The following PPP4R3B variants were observed in gnomAD, a reference collection of about 807,000 sequenced individuals.
PPP4R3B encodes the protein protein phosphatase 4 regulatory subunit 3B.
PPP4R3B carries 52 observed loss-of-function variants against 95.4 expected under a neutral mutation model. That is an observed-to-expected ratio of 0.54 (90% CI 0.44 to 0.69). PPP4R3B has a LOEUF of 0.69. PPP4R3B is among the 30% of genes least tolerant of loss of function. The pLI, the probability that PPP4R3B is intolerant of heterozygous loss-of-function variation, is 0.00. For missense variants in PPP4R3B, 1,003 were observed against 1,005.9 expected, an observed-to-expected ratio of 1.00 and a Z score of 0.04; for synonymous variants, 407 against 343.9, an observed-to-expected ratio of 1.18 and a Z score of -2.03.
chr2:55,578,560 T>G (rs1267660246), intron 9 of PPP4R3B, among the ~76,000 whole-genome samples: 2 of 152,102 alleles, frequency 1.3e-5, no homozygotes, highest in Admixed American at 6.5e-5. Flanking sequence ...TGGGGAATTA[T>G]TCAGTTGATA....
chr2:55,583,696 A>C (rs988546847), intron 7 of PPP4R3B, among the ~76,000 whole-genome samples: 5 of 152,378 alleles, frequency 3.3e-5, no homozygotes, highest in Non-Finnish European at 7.3e-5. Flanking sequence ...ATTTCTCTTT[A>C]AAGTCAGAAT....
intron 13 of PPP4R3B, among the ~76,000 whole-genome samples, chr2:55,565,289 A>G (rs1481480615): frequency 1.4e-5 from 2 of 146,264 alleles, no homozygotes; most frequent in African/African-American, 2.6e-5. Context: ...AAATAGATTT[A>G]TTTTACATCT....
intron 12 of PPP4R3B, 21 bp from the exon 13 acceptor site, chr2:55,568,384 G>T: frequency 6.4e-7 from 1 of 1,566,102 alleles, no homozygotes; most frequent in South Asian, 1.2e-5. Flanking sequence ...ATAATATAGG[G>T]AATAAGTTAA....
intron 2 of PPP4R3B, among the ~76,000 whole-genome samples, chr2:55,607,658 G>C (rs534047532): frequency 6.6e-6 from 1 of 152,198 alleles, no homozygotes; most frequent in Non-Finnish European, 1.5e-5. Context: ...GGGCTTTTAT[G>C]GAGGCTTCAT....
intron 5 of PPP4R3B, among the ~76,000 whole-genome samples, chr2:55,587,060 T>C (rs923854790): frequency 6.6e-6 from 1 of 152,196 alleles, no homozygotes; most frequent in Non-Finnish European, 1.5e-5. Flanking sequence ...TCTTTCTAAG[T>C]GAACCTTTGA....
intron 16 of PPP4R3B, among the ~76,000 whole-genome samples, chr2:55,554,619 G>C (rs549860664): frequency 6.6e-6 from 1 of 152,292 alleles, no homozygotes; most frequent in East Asian, 1.9e-4. Context: ...TGAGGTGTAA[G>C]AGTTCTTTAT....
At chr2:55,559,027 T>C (rs1224439355) in intron 15 of PPP4R3B, 59 bp from the exon 16 acceptor site, 2 of 1,337,318 alleles carry the variant, frequency 1.5e-6, no homozygotes, top group African/African-American at 3.0e-5. Flanking sequence ...TCAAAACATC[T>C]AAAAACAGCA....
At chr2:55,587,759 C>G (rs1690358050) in intron 5 of PPP4R3B, among the ~76,000 whole-genome samples, 1 of 152,158 alleles carries the variant, frequency 6.6e-6, no homozygotes, top group Non-Finnish European at 1.5e-5. Flanking sequence ...AGTAATATCT[C>G]AAAAACATAA....
intron 9 of PPP4R3B, 147 bp downstream of exon 9, chr2:55,579,532 A>G: frequency 2.2e-6 from 1 of 453,648 alleles, no homozygotes. Context: ...AAGAAACAAG[A>G]AAATCATAAT....
chr2:55,559,616 C>T (rs745965237), intron 15 of PPP4R3B, among the ~76,000 whole-genome samples: 7 of 152,112 alleles, frequency 4.6e-5, no homozygotes, highest in African/African-American at 1.7e-4. Flanking sequence ...GCACTTCCCC[C>T]CTTGCTCTCT....
intron 3 of PPP4R3B, among the ~76,000 whole-genome samples, chr2:55,599,301 G>A (rs1692229517): frequency 6.6e-6 from 1 of 152,132 alleles, no homozygotes. Context: ...AGCCAGGTGT[G>A]GTGGCATACG....
intron 15 of PPP4R3B, among the ~76,000 whole-genome samples, chr2:55,562,987 G>A (rs1032680354): frequency 6.6e-6 from 1 of 152,218 alleles, no homozygotes; most frequent in East Asian, 1.9e-4. Flanking sequence ...TATGACATAG[G>A]TGTCCAATCC....
intron 11 of PPP4R3B, among the ~76,000 whole-genome samples, chr2:55,576,899 A>G (rs1446791436): frequency 6.6e-6 from 1 of 152,200 alleles, no homozygotes; most frequent in Non-Finnish European, 1.5e-5. Context: ...CACACAGCAC[A>G]TGTCTTTATT....
rs2104293916 is a variant in PPP4R3B at position 55,585,060 on chromosome 2, C to T, written c.1224G>A (p.Gln408=). Residue 408 remains glutamine, a synonymous_variant, in exon 7 of 17, where the codon CAG becomes CAA. Transcript: ENST00000616407. ...VREFVMQEAQ[Q]SDDDILLINV... The stretch of plus-strand genomic sequence containing the variant: ...CAGCATTATTACTTACGTCATCACT[C>T]TGCTGAGCTTCTTGCATTACAAACT... 1 of 1,609,512 alleles carries T rather than the reference C, an allele frequency of 6.2e-7. No individual in the cohort carries two copies. Among genetic ancestry groups the T allele is most frequent in the Non-Finnish European group, 8.5e-7 (1 of 1,177,372 alleles).
At chr2:55,616,694 T>A (rs1339317169) in intron 1 of PPP4R3B, 1 of 152,574 alleles carries the variant, frequency 6.6e-6, no homozygotes, top group Non-Finnish European at 1.5e-5. Flanking sequence ...CCCCAGCACC[T>A]GTCGACTGTG....
chr2:55,598,675 T>G lies in PPP4R3B; in HGVS notation c.662A>C (p.Asp221Ala), dbSNP rs1434915726. The G allele has an allele frequency of 1.9e-6, 3 of 1,614,080 alleles. No individual in the cohort carries two copies. Among genetic ancestry groups the G allele is most frequent in the Non-Finnish European group, 2.5e-6 (3 of 1,180,044 alleles). The stretch of plus-strand genomic sequence containing the variant: ...GTCATATTCAAGGCATCCCACGACA[T>G]CCATGATACACTCATCAGAAAACAT... ...EVMFSDECIM[D>A]VVGCLEYDPA... The change falls in exon 4 of 17, where the codon GAT becomes GCT. Residue 221 changes from aspartate (D) to alanine (A), a missense_variant. Asp to Ala is a moderately radical substitution (Grantham distance 126, BLOSUM62 -2). Around this residue, in one of 3 missense-constraint regions of PPP4R3B, gnomAD observed 695 missense variants for 686.2 expected, o/e 1.01. Coordinates refer to ENST00000616407, the MANE Select transcript of PPP4R3B (RefSeq NM_001122964.3).
chr2:55,571,912 G>A (rs1299798685), intron 12 of PPP4R3B, among the ~76,000 whole-genome samples: 2 of 152,200 alleles, frequency 1.3e-5, no homozygotes, highest in African/African-American at 2.4e-5. Context: ...GAGCCACTGC[G>A]CCTGGCCAAC....
chr2:55,598,080 C>T (rs1370684259), intron 4 of PPP4R3B, among the ~76,000 whole-genome samples: 2 of 152,018 alleles, frequency 1.3e-5, no homozygotes, highest in Non-Finnish European at 2.9e-5. Context: ...ATCAGCTGGG[C>T]ATGGCAGTGC....
chr2:55,563,039 A>G (rs1383168595), intron 15 of PPP4R3B, among the ~76,000 whole-genome samples: 2 of 152,226 alleles, frequency 1.3e-5, no homozygotes, highest in Non-Finnish European at 2.9e-5. Context: ...GATTCTTAAC[A>G]GCATCTCACT....
Sources: gnomAD v4.1 joint callset for allele counts (sites outside exome capture counted in the v4.1 genomes callset) on GRCh38, gnomAD v4.1.1 for gene constraint, gnomAD v4.1.1 regional missense constraint, MANE v1.5 for transcripts, NCBI Gene and HGNC (gene_info 2026-07-23, HGNC 2026-07-21) for gene names.